The following TENM3 variants were observed in gnomAD, a reference collection of about 807,000 sequenced individuals.
The protein encoded by TENM3 is teneurin transmembrane protein 3.
Under a neutral mutation model 255.1 loss-of-function variants are expected in TENM3, and 63 were observed. That is an observed-to-expected ratio of 0.25 (90% CI 0.20 to 0.30). The LOEUF (loss-of-function observed/expected upper bound fraction) is 0.30. TENM3 is among the 10% of genes least tolerant of loss of function. TENM3 has a pLI of 1.00. For synonymous variants in TENM3, 1,306 were observed against 1,322.3 expected, an observed-to-expected ratio of 0.99 and a Z score of 0.27; for missense variants, 2,929 against 3,461.1, an observed-to-expected ratio of 0.85 and a Z score of 3.86.
intron 1 of TENM3, among the ~76,000 whole-genome samples, chr4:182,316,267 A>G (rs1173412397): frequency 6.6e-6 from 1 of 152,196 alleles, no homozygotes; most frequent in African/African-American, 2.4e-5. Context: ...AAGTTTTGCT[A>G]GGTAGAACCA....
the TENM3 span, among the ~76,000 whole-genome samples, chr4:181,490,142 C>A: frequency 1.3e-5 from 2 of 152,106 alleles, no homozygotes; most frequent in African/African-American, 4.8e-5. Flanking sequence ...TCACCTCAAG[C>A]ATTTGTTATT....
intron 3 of TENM3, among the ~76,000 whole-genome samples, chr4:182,588,239 A>T (rs2152380903): frequency 6.6e-6 from 1 of 152,318 alleles, no homozygotes; most frequent in South Asian, 2.1e-4. Flanking sequence ...GTTTAGTTAG[A>T]GTAAGTGCTC....
the TENM3 span, among the ~76,000 whole-genome samples, chr4:181,461,521 C>T: frequency 1.3e-5 from 2 of 152,134 alleles, no homozygotes; most frequent in Non-Finnish European, 2.9e-5. Flanking sequence ...ATAGCTTCCT[C>T]TACACGTCAT....
At chr4:182,459,671 T>G (rs1450766511) in intron 3 of TENM3, among the ~76,000 whole-genome samples, 3 of 152,252 alleles carry the variant, frequency 2.0e-5, no homozygotes, top group East Asian at 3.9e-4. Context: ...AATAGGAGAT[T>G]CAAAGTACAA....
chr4:181,856,183 A>G, the TENM3 span, among the ~76,000 whole-genome samples: 2 of 146,370 alleles, frequency 1.4e-5, no homozygotes, highest in South Asian at 2.3e-4. Flanking sequence ...AAAGGGAAGG[A>G]AGGGAGGGAG....
At chr4:182,605,876 G>T (rs1426698002) in intron 4 of TENM3, among the ~76,000 whole-genome samples, 2 of 152,200 alleles carry the variant, frequency 1.3e-5, no homozygotes, top group Admixed American at 1.3e-4. Context: ...CCCTGGAATT[G>T]CAGCATAAAC....
the TENM3 span, among the ~76,000 whole-genome samples, chr4:181,680,901 A>T: frequency 6.6e-6 from 1 of 152,082 alleles, no homozygotes; most frequent in Non-Finnish European, 1.5e-5. Context: ...CATGCAGGTA[A>T]ATACTGAATC....
chr4:182,715,964 G>A (rs1298083761), intron 13 of TENM3, among the ~76,000 whole-genome samples: 1 of 152,064 alleles, frequency 6.6e-6, no homozygotes, highest in Non-Finnish European at 1.5e-5. Flanking sequence ...TTCCTGCTCC[G>A]GATAGATTTA....
intron 3 of TENM3, among the ~76,000 whole-genome samples, chr4:182,582,574 A>C (rs1745595960): frequency 1.3e-5 from 2 of 152,098 alleles, no homozygotes; most frequent in Non-Finnish European, 2.9e-5. Flanking sequence ...TCTTTTTTGA[A>C]GTTACTAAGT....
At chr4:182,138,063 C>G in the TENM3 span, among the ~76,000 whole-genome samples, 1 of 152,122 alleles carries the variant, frequency 6.6e-6, no homozygotes, top group Non-Finnish European at 1.5e-5. Context: ...ATGATGATAG[C>G]GAAGTGCACT....
chr4:181,767,066 C>A, the TENM3 span, among the ~76,000 whole-genome samples: 1 of 130,978 alleles, frequency 7.6e-6, no homozygotes, highest in Non-Finnish European at 1.6e-5. Context: ...TTCTGGCTAA[C>A]AAGGGGAAAT....
At chr4:182,170,419 T>A (rs1385086906) in intron 1 of TENM3, among the ~76,000 whole-genome samples, 2 of 152,188 alleles carry the variant, frequency 1.3e-5, no homozygotes, top group Non-Finnish European at 2.9e-5. Context: ...CCTTAGAAGT[T>A]GGCAAATTAG....
At chr4:182,740,492 A>G (rs972300405) in intron 18 of TENM3, among the ~76,000 whole-genome samples, 11 of 152,214 alleles carry the variant, frequency 7.2e-5, no homozygotes, top group Admixed American at 2.0e-4. Context: ...GTTTGAACAT[A>G]TTTCTGTATT....
chr4:182,475,132 A>T (rs2151477365), intron 3 of TENM3, among the ~76,000 whole-genome samples: 1 of 152,286 alleles, frequency 6.6e-6, no homozygotes, highest in African/African-American at 2.4e-5. Flanking sequence ...GATCCAGCAG[A>T]AATTCCTCAC....
chr4:182,424,784 T>C (rs1457393514), intron 3 of TENM3, among the ~76,000 whole-genome samples: 4 of 152,188 alleles, frequency 2.6e-5, no homozygotes, highest in Non-Finnish European at 5.9e-5. Flanking sequence ...TTTAAAGCAA[T>C]TGAGGTTAAA....
chr4:182,301,409 C>G (rs1337343703), intron 1 of TENM3, among the ~76,000 whole-genome samples: 1 of 152,132 alleles, frequency 6.6e-6, no homozygotes, highest in Non-Finnish European at 1.5e-5. Flanking sequence ...TCCACTTCCT[C>G]CCCCCATTCA....
At chr4:181,609,842 G>T in the TENM3 span, among the ~76,000 whole-genome samples, 1 of 152,108 alleles carries the variant, frequency 6.6e-6, no homozygotes. Flanking sequence ...CAATATTTGA[G>T]CTCTATATTT....
At chr4:182,716,052 T>C (rs1759135590) in intron 13 of TENM3, among the ~76,000 whole-genome samples, 1 of 152,204 alleles carries the variant, frequency 6.6e-6, no homozygotes, top group South Asian at 2.1e-4. Flanking sequence ...GTGTGCTTTA[T>C]AGACATGGCA....
intron 6 of TENM3, among the ~76,000 whole-genome samples, chr4:182,659,671 T>C (rs1256817910): frequency 6.6e-6 from 1 of 152,236 alleles, no homozygotes; most frequent in Non-Finnish European, 1.5e-5. Flanking sequence ...TTTTGAATCC[T>C]GTTTTCTCTC....
Sources: allele counts gnomAD v4.1 joint callset (sites outside exome capture counted in the v4.1 genomes callset), GRCh38; gene constraint gnomAD v4.1.1; transcripts MANE v1.5; gene names NCBI Gene and HGNC (gene_info 2026-07-23, HGNC 2026-07-21).